The following CPLANE1 variants were observed in gnomAD, a reference collection of about 807,000 sequenced individuals.
CPLANE1 encodes ciliogenesis and planar polarity effector complex subunit 1.
Under a neutral mutation model 362.5 loss-of-function variants are expected in CPLANE1, and 263 were observed. The observed-to-expected ratio is 0.73, with a 90% CI of 0.66 to 0.80. CPLANE1 has a LOEUF of 0.80. Ranked by LOEUF, CPLANE1 falls within the 30% of genes least tolerant of loss-of-function variation. The probability of loss-of-function intolerance (pLI) is 0.00; values close to 1 mark genes in which losing one functional copy is unlikely to be tolerated. For missense variants in CPLANE1, 3,461 were observed against 3,793.4 expected, an observed-to-expected ratio of 0.91 and a Z score of 2.30; for synonymous variants, 1,212 against 1,302.6, an observed-to-expected ratio of 0.93 and a Z score of 1.50.
At chr5:37,186,663 G>A (rs1034894428) in intron 23 of CPLANE1, among the ~76,000 whole-genome samples, 5 of 152,096 alleles carry the variant, frequency 3.3e-5, no homozygotes, top group African/African-American at 1.2e-4. Context: ...ATTCTGTGCT[G>A]ATTTCCATAG....
chr5:37,238,118 G>A (rs551270632), intron 8 of CPLANE1, among the ~76,000 whole-genome samples: 145 of 152,278 alleles, frequency 9.5e-4, no homozygotes, highest in Non-Finnish European at 9.6e-4. Context: ...GTTCAACGCT[G>A]CAGTGAGCTA....
At position 37,226,426 on chromosome 5, in the gene CPLANE1, G is replaced by A; in HGVS notation, c.2169C>T (p.Asp723=). Residue 723 remains aspartate (D), a synonymous_variant, in exon 12 of 53, where the codon GAC becomes GAT. Coordinates refer to ENST00000651892, the MANE Select transcript of CPLANE1 (RefSeq NM_001384732.1). ...SADGSKITAQ[D]SLVVPIFQMF... Reference sequence around the variant, plus strand: ...TCTGAAAAATAGGTACCACCAATGAGTCTTGAGCTGTTATTTTACTTCCAT... The same window carrying A: ...TCTGAAAAATAGGTACCACCAATGAATCTTGAGCTGTTATTTTACTTCCAT... 1 of 1,551,284 alleles carries A rather than the reference G, an allele frequency of 6.4e-7. No individual in the cohort carries two copies.
chr5:37,116,039 C>T (rs1760847556), intron 50 of CPLANE1, among the ~76,000 whole-genome samples: 1 of 151,940 alleles, frequency 6.6e-6, no homozygotes, highest in Admixed American at 6.6e-5. Flanking sequence ...GTAATTCTTG[C>T]ACTTTGGGAG....
chr5:37,085,366 C>A, the CPLANE1 span: 14 of 1,346,420 alleles, frequency 1.0e-5, no homozygotes, highest in African/African-American at 8.6e-5. Context: ...ATCTATGACA[C>A]CAAGGGTCGC....
intron 42 of CPLANE1, among the ~76,000 whole-genome samples, chr5:37,152,907 A>C (rs1773982580): frequency 6.6e-6 from 1 of 152,198 alleles, no homozygotes; most frequent in Admixed American, 6.5e-5. Flanking sequence ...AAAGAAAAAA[A>C]GATATGAAAA....
At position 37,226,801 on chromosome 5, in the gene CPLANE1, T is replaced by A; in HGVS notation, c.1794A>T (p.Ile598=). The A allele has an allele frequency of 6.5e-7, 1 of 1,549,324 alleles. No homozygotes were observed. The highest frequency in any genetic ancestry group is 1.4e-5 in the African/African-American group (1 of 73,040). ...VTEKNLMLNY[I]VVCITHFFYI... ...AAAAAAAATGAGTGATACAAACTAC[T>A]ATGTAATTTAACATTAAATTTTTTT... is the stretch of plus-strand genomic sequence containing the variant. Residue 598 remains isoleucine, a synonymous_variant, in exon 12 of 53, where the codon ATA becomes ATT. Coordinates refer to ENST00000651892, the MANE Select transcript of CPLANE1 (RefSeq NM_001384732.1).
At position 37,206,378 on chromosome 5, in the gene CPLANE1, C is replaced by A; in HGVS notation, c.2968G>T (p.Val990Phe). 1 of 1,551,688 alleles carries A rather than the reference C, an allele frequency of 6.4e-7. No individual in the cohort carries two copies. The highest frequency in any genetic ancestry group is 2.4e-5 in the East Asian group (1 of 40,908). The change falls in exon 17 of 53, where the codon GTT (valine) becomes TTT (phenylalanine). Residue 990 changes from valine to phenylalanine, a missense_variant. Physicochemically the swap from Val to Phe is conservative, Grantham distance 50. Coordinates refer to ENST00000651892, the MANE Select transcript of CPLANE1 (RefSeq NM_001384732.1). ...IPLQHSKVAS[V>F]VRDQNLSNVW... is the part of the protein sequence containing the mutation. Reference sequence around the variant, plus strand: ...TTAGAGAGATTCTGATCTCTAACAACACTGGCCACCTTAGAGTGTTGCAGA... The same window carrying A: ...TTAGAGAGATTCTGATCTCTAACAAAACTGGCCACCTTAGAGTGTTGCAGA...
At chr5:37,096,294 A>G in the CPLANE1 span, among the ~76,000 whole-genome samples, 1 of 152,226 alleles carries the variant, frequency 6.6e-6, no homozygotes. Flanking sequence ...AAACGAAAAC[A>G]TAAAGGGGGA....
chr5:37,201,586 C>T lies in CPLANE1; in HGVS notation c.3507+5G>A. On this transcript the variant is annotated splice_donor_5th_base_variant and intron_variant, in intron 19 of 52. Coordinates refer to ENST00000651892, the MANE Select transcript of CPLANE1 (RefSeq NM_001384732.1). ...TTAATTTAAAAGTTAATGCTATAAG[C>T]TTACTTCACTAAGAATAGCTGGCTG... 2 of 1,606,502 alleles carry T rather than the reference C, an allele frequency of 1.2e-6. No homozygotes were observed. The highest frequency in any genetic ancestry group is 2.2e-5 in the South Asian group (2 of 90,440).
In CPLANE1 at chr5:37,227,559, G is replaced by A. The variant is rs1159309088; in HGVS notation, c.1371+9C>T. 6.5e-7 allele frequency: 1 copy of A among 1,534,366 alleles called. No individual in the cohort carries two copies. Among genetic ancestry groups the A allele is most frequent in the Non-Finnish European group, 8.8e-7 (1 of 1,140,868 alleles). On this transcript the variant is annotated intron_variant, in intron 10 of 52. Transcript: ENST00000651892. ...CAACTTTCCCCAATGATATAAAAAAGCACTATACCTTAGACAATATCACAC... is the reference window on the plus strand; with the variant it reads ...CAACTTTCCCCAATGATATAAAAAAACACTATACCTTAGACAATATCACAC...
At chr5:37,137,881 G>A (rs558814372) in intron 46 of CPLANE1, among the ~76,000 whole-genome samples, 1 of 152,018 alleles carries the variant, frequency 6.6e-6, no homozygotes, top group African/African-American at 2.4e-5. Flanking sequence ...GATTTGGATG[G>A]GGACACAGCC....
intron 1 of CPLANE1, among the ~76,000 whole-genome samples, chr5:37,249,033 G>T (rs1359890948): frequency 6.6e-6 from 1 of 152,210 alleles, no homozygotes; most frequent in Non-Finnish European, 1.5e-5. Flanking sequence ...AGCAGGCGAC[G>T]CTGGGAGGCT....
Position 37,198,804 on chromosome 5 carries a change from G to C in CPLANE1, c.3570C>G (p.Ile1190Met). The change falls in exon 20 of 53, where the codon ATC becomes ATG. Residue 1190 changes from isoleucine (I) to methionine (M), a missense_variant. Coordinates refer to ENST00000651892, the MANE Select transcript of CPLANE1 (RefSeq NM_001384732.1). Reference protein sequence around the residue: ...EKNNRQKVSGILQRVLLLFRA... With the variant: ...EKNNRQKVSGMLQRVLLLFRA... ...GGAAAAGCAGGAGAACACGCTGAAG[G>C]ATTCCAGATACCTTCTGGCGATTAT... 1.2e-6 allele frequency: 2 copies of C among 1,614,044 alleles called. No homozygotes were observed. The highest frequency in any genetic ancestry group is 1.7e-6 in the Non-Finnish European group (2 of 1,179,996).
At chr5:37,205,125 C>G (rs1404402692) in intron 18 of CPLANE1, 190 bp downstream of exon 18, 2 of 346,112 alleles carry the variant, frequency 5.8e-6, no homozygotes. Context: ...CCACTGCACT[C>G]CAGCCTGGGT....
rs35522666 is a variant in CPLANE1, at chr5:37,154,459, C to CTTTTTTTTTTTTTTTTTTTTTT, written c.8120-488_8120-467dup. Among the ~76,000 whole-genome samples the CTTTTTTTTTTTTTTTTTTTTTT allele has an allele frequency of 3.7e-4, 31 of 84,576 alleles. 4 individuals carry two copies. The highest frequency in any genetic ancestry group is 1.2e-3 in the African/African-American group (21 of 17,646). The allele number at this position is 84,576 out of a possible 152,430, so 55.5% of individuals were successfully genotyped here. On this transcript the variant is annotated intron_variant, in intron 41 of 52. Coordinates refer to ENST00000651892, the MANE Select transcript of CPLANE1 (RefSeq NM_001384732.1). ...TTCTTCTCCCAAATTTGCAATAGTTCTTTTTTTTTTTTTTTTTTTTTTTTA... is the reference window on the plus strand; with the variant it reads ...TTCTTCTCCCAAATTTGCAATAGTTCTTTTTTTTTTTTTTTTTTTTTTTTTTTTTTTTTTTTTTTTTTTTTTA...
rs1792020034 is a variant in CPLANE1, at chr5:37,209,658, G to A, written c.2921-3233C>T. On this transcript the variant is annotated intron_variant, in intron 16 of 52. Transcript: ENST00000651892. This position sits in a 1 kb window ranked among gnomAD's most constrained non-coding sequence, Gnocchi z 4.6. ...ACTTTCTGTTTTCTTTCTAGAAAGT[G>A]GTTTGGCAAAAGAAAAGGTATTTAC... 1 of 1,399,106 alleles carries A rather than the reference G, an allele frequency of 7.1e-7. No individual in the cohort carries two copies. The highest frequency in any genetic ancestry group is 1.0e-6 in the Non-Finnish European group (1 of 986,488). The allele number at this position is 1,399,106 out of a possible 1,614,324, so 86.7% of individuals were successfully genotyped here. A position where few individuals can be genotyped will look rare whatever the true frequency, so the allele number is the denominator to read the frequency against.
At position 37,138,742 on chromosome 5, in the gene CPLANE1, C is replaced by A. The variant is rs863225155; in HGVS notation, c.8770G>T (p.Glu2924Ter). ...TACCTGGAGGTGCCCATAGCTTGTTCTGTTAAGCCAAGTTCTTCACTGGAA... is the reference window on the plus strand; with the variant it reads ...TACCTGGAGGTGCCCATAGCTTGTTATGTTAAGCCAAGTTCTTCACTGGAA... ...GVSSEELGLT[E>*]QAMGTSRIQH... Residue 2924 changes from glutamate to a stop codon, truncating the protein, a stop_gained, in exon 46 of 53, where the codon GAA becomes TAA. Transcript: ENST00000651892. LOFTEE classifies it high-confidence loss of function. 1.2e-6 allele frequency: 2 copies of A among 1,611,770 alleles called. No individual in the cohort carries two copies. The highest frequency in any genetic ancestry group is 1.7e-6 in the Non-Finnish European group (2 of 1,179,330).
In CPLANE1 at chr5:37,206,352, A is replaced by G. The variant is rs1286129033; in HGVS notation, c.2994T>C (p.Asn998=). ...ASVVRDQNLS[N]VWTVEYALEL... Reference sequence around the variant, plus strand: ...CAAGTGCATATTCAACTGTCCACACATTAGAGAGATTCTGATCTCTAACAA... The same window carrying G: ...CAAGTGCATATTCAACTGTCCACACGTTAGAGAGATTCTGATCTCTAACAA... The change falls in exon 17 of 53, where the codon AAT becomes AAC. Residue 998 remains asparagine, a synonymous_variant. Transcript: ENST00000651892. The G allele has an allele frequency of 5.8e-6, 9 of 1,551,686 alleles. No individual in the cohort carries two copies. The highest frequency in any genetic ancestry group is 1.2e-5 in the South Asian group (1 of 84,062).
rs1044485863 is a variant in CPLANE1 at position 37,185,156 on chromosome 5, C to T, written c.4190-77G>A. On this transcript the variant is annotated intron_variant, in intron 24 of 52. Transcript: ENST00000651892. Reference sequence around the variant, plus strand: ...AAGACATAGGAGACCCAACTCTGGTCCCTCCTGGGGACAAGAAACCTAACT... The same window carrying T: ...AAGACATAGGAGACCCAACTCTGGTTCCTCCTGGGGACAAGAAACCTAACT... The T allele has an allele frequency of 8.0e-6, 11 of 1,369,114 alleles. No homozygotes were observed. In the African/African-American group the frequency reaches 1.5e-4, roughly 18 times the overall value. 84.8% of individuals were successfully genotyped at this position (1,369,114 alleles called of 1,614,324 possible). A position where few individuals can be genotyped will look rare whatever the true frequency, so the allele number is the denominator to read the frequency against.
Sources: gnomAD v4.1 joint callset for allele counts (sites outside exome capture counted in the v4.1 genomes callset) on GRCh38, gnomAD v4.1.1 for gene constraint, Gnocchi (gnomAD v3.1) non-coding constraint, MANE v1.5 for transcripts, NCBI Gene and HGNC (gene_info 2026-07-23, HGNC 2026-07-21) for gene names.